Variants in HMGB1 observed in about 807,000 individuals in gnomAD.
HMGB1 encodes high mobility group protein B1.
For synonymous variants in HMGB1, 81 were observed against 84.0 expected (o/e 0.96, Z 0.19); for missense variants, 79 against 253.5 (o/e 0.31, Z 4.67).
At chr13:30,476,864 T>TAAA (rs1464556012) in intron 1 of HMGB1, among the ~76,000 whole-genome samples, 1 of 55,402 alleles carries the variant, frequency 1.8e-5, no homozygotes, top group African/African-American at 7.0e-5. Flanking sequence ...AGATTCTGTC[T>TAAA]CAAAAAAAAA....
In HMGB1 at chr13:30,554,171, G is replaced by A. The variant is rs1368979878; in HGVS notation, c.-15+62500C>T. 4 of 1,385,866 alleles carry A rather than the reference G, an allele frequency of 2.9e-6. No individual in the cohort carries two copies. In the Admixed American group the frequency reaches 5.0e-5, roughly 17 times the overall value. The allele number at this position is 1,385,866 out of a possible 1,614,324, so 85.8% of individuals were successfully genotyped here. A position where few individuals can be genotyped will look rare whatever the true frequency, so the allele number is the denominator to read the frequency against. On this transcript the variant is annotated intron_variant, in intron 1 of 4. Coordinates refer to the HMGB1 transcript ENST00000405805. ...ACGATTAGAAAATATCAATAGTGGT[G>A]AAACCAGAACAATATCTCACTTGCA... is the stretch of plus-strand genomic sequence containing the variant.
intron 1 of HMGB1, among the ~76,000 whole-genome samples, chr13:30,472,764 G>A (rs187395649): frequency 1.3e-5 from 2 of 151,944 alleles, no homozygotes; most frequent in Non-Finnish European, 2.9e-5. Flanking sequence ...GGCCAGTTTC[G>A]GAAAAGGAGA....
intron 1 of HMGB1, among the ~76,000 whole-genome samples, chr13:30,599,238 G>A (rs1871752391): frequency 6.6e-6 from 1 of 152,198 alleles, no homozygotes; most frequent in Non-Finnish European, 1.5e-5. Flanking sequence ...TGAGGCCAAG[G>A]TGGGCGGATC....
intron 1 of HMGB1, among the ~76,000 whole-genome samples, chr13:30,557,218 C>T (rs1869728814): frequency 6.6e-6 from 1 of 152,042 alleles, no homozygotes; most frequent in African/African-American, 2.4e-5. Context: ...ATAAAATTTG[C>T]ACTGAATTCC....
intron 1 of HMGB1, among the ~76,000 whole-genome samples, chr13:30,519,139 T>A (rs1056547751): frequency 2.6e-5 from 4 of 152,046 alleles, no homozygotes; most frequent in African/African-American, 9.7e-5. Flanking sequence ...ATGCCTGTAA[T>A]CCCTGCACTT....
chr13:30,471,601 C>T (rs1485779751), intron 1 of HMGB1, among the ~76,000 whole-genome samples: 12 of 149,744 alleles, frequency 8.0e-5, no homozygotes, highest in African/African-American at 1.2e-4. Flanking sequence ...GTGATCCACC[C>T]GCCTCCGCCT....
intron 1 of HMGB1, among the ~76,000 whole-genome samples, chr13:30,577,310 A>C (rs1870699293): frequency 6.6e-6 from 1 of 150,502 alleles, no homozygotes; most frequent in Admixed American, 6.6e-5. Flanking sequence ...TCTGCACTCC[A>C]GCCTGGGTGA....
In HMGB1 at chr13:30,552,546, G is replaced by A. The variant is rs191694718; in HGVS notation, c.-15+64125C>T. 4.6e-5 allele frequency among the ~76,000 whole-genome samples: 7 copies of A among 152,152 alleles called. No homozygotes were observed. In the South Asian group the frequency reaches 6.2e-4, roughly 14 times the overall value. ...CAGAATACACTGGGTATCTCTCTTC[G>A]ATACTTTTACTACCTTTTTGTATAC... On this transcript the variant is annotated intron_variant, in intron 1 of 4. Coordinates refer to the HMGB1 transcript ENST00000405805.
chr13:30,593,706 T>C (rs1871473665), intron 1 of HMGB1, among the ~76,000 whole-genome samples: 1 of 152,258 alleles, frequency 6.6e-6, no homozygotes, highest in African/African-American at 2.4e-5. Flanking sequence ...AATGGACTAC[T>C]GTTTCCACAT....
intron 1 of HMGB1, among the ~76,000 whole-genome samples, chr13:30,489,733 C>CTTTTT (rs1437282347): frequency 7.2e-6 from 1 of 138,418 alleles, no homozygotes; most frequent in African/African-American, 2.7e-5. Context: ...AATGGAATTT[C>CTTTTT]TTTTTTTTTT....
intron 1 of HMGB1, among the ~76,000 whole-genome samples, chr13:30,503,589 A>G (rs1333927946): frequency 1.3e-5 from 2 of 150,286 alleles, no homozygotes; most frequent in Admixed American, 1.3e-4. Context: ...TTAATTAGCC[A>G]TCTTCATTTG....
At chr13:30,582,186 G>A (rs755631521) in intron 1 of HMGB1, among the ~76,000 whole-genome samples, 27 of 152,150 alleles carry the variant, frequency 1.8e-4, no homozygotes, top group Non-Finnish European at 3.2e-4. Context: ...GGAGATCCAG[G>A]AATGTTGCTA....
intron 1 of HMGB1, among the ~76,000 whole-genome samples, chr13:30,498,563 G>T (rs976607716): frequency 2.0e-5 from 3 of 151,828 alleles, no homozygotes; most frequent in African/African-American, 7.3e-5. Context: ...TCTAGCTATA[G>T]AGTAGGACAC....
intron 1 of HMGB1, among the ~76,000 whole-genome samples, chr13:30,547,048 T>C (rs963343298): frequency 2.6e-5 from 4 of 152,218 alleles, no homozygotes; most frequent in African/African-American, 7.2e-5. Flanking sequence ...GCAGAGATAA[T>C]GTGTGTGGCC....
chr13:30,464,299 T>C lies in HMGB1; in HGVS notation c.-14-605A>G, dbSNP rs1022695242. ...GAGGCAGCCTCGTTTCCTATCGGTT[T>C]GGCCCTGAGATGTATTTCTGTTCTG... On this transcript the variant is annotated intron_variant, in intron 1 of 4. Coordinates refer to ENST00000341423, the MANE Select transcript of HMGB1 (RefSeq NM_002128.7). 4 of 985,528 alleles carry C rather than the reference T, an allele frequency of 4.1e-6. No homozygotes were observed. The Admixed American group carries it at 1.8e-4, about 45-fold the overall frequency. The allele number at this position is 985,528 out of a possible 1,614,324, so 61.0% of individuals were successfully genotyped here.
At chr13:30,567,935 C>T (rs1210875259) in intron 1 of HMGB1, among the ~76,000 whole-genome samples, 9 of 152,186 alleles carry the variant, frequency 5.9e-5, no homozygotes, top group Non-Finnish European at 1.0e-4. Context: ...AACTGCTGTG[C>T]TCCTGCAGCT....
intron 1 of HMGB1, among the ~76,000 whole-genome samples, chr13:30,505,340 G>A (rs35962852): frequency 0.14 from 20,866 of 151,674 alleles, 1,663 homozygotes; most frequent in Middle Eastern, 0.3. Context: ...CACCAGGCCT[G>A]GCTAATTTTT....
chr13:30,465,492 TTTAA>T (rs1054616008), intron 1 of HMGB1, among the ~76,000 whole-genome samples: 1 of 149,340 alleles, frequency 6.7e-6, no homozygotes, highest in East Asian at 2.0e-4. Context: ...TCAAAATTTT[TTTAA>T]TTAAAAAAAA....
intron 1 of HMGB1, among the ~76,000 whole-genome samples, chr13:30,565,303 C>G (rs1479767760): frequency 6.6e-6 from 1 of 152,192 alleles, no homozygotes; most frequent in Admixed American, 6.5e-5. Flanking sequence ...TGGTCACTGT[C>G]TCACCGCCCA....
Sources: allele counts gnomAD v4.1 joint callset (sites outside exome capture counted in the v4.1 genomes callset), GRCh38; gene constraint gnomAD v4.1.1; transcripts MANE v1.5; gene names NCBI Gene and HGNC (gene_info 2026-07-23, HGNC 2026-07-21).